WWOX: variants seen among roughly 807,000 people sequenced by gnomAD.
The protein encoded by WWOX is WW domain containing oxidoreductase.
Under a neutral mutation model 46.2 loss-of-function variants are expected in WWOX, and 69 were observed. The observed-to-expected ratio is 1.49, with a 90% confidence interval of 1.23 to 1.82. WWOX has a LOEUF of 1.82. Among genes scored for constraint, WWOX ranks in the 40% most tolerant of loss-of-function variants. The pLI is 0.00. For missense variants in WWOX, 919 were observed against 542.6 expected, an observed-to-expected ratio of 1.69 and a Z score of -6.89; for synonymous variants, 359 against 202.6, an observed-to-expected ratio of 1.77 and a Z score of -6.56.
At chr16:79,075,716 C>A (rs568981542) in intron 8 of WWOX, among the ~76,000 whole-genome samples, 24 of 152,138 alleles carry the variant, frequency 1.6e-4, no homozygotes, top group Non-Finnish European at 3.1e-4. Flanking sequence ...CCACACCTGG[C>A]TACTTTTTGT....
At chr16:78,448,615 G>A (rs763955299) in intron 8 of WWOX, among the ~76,000 whole-genome samples, 1 of 152,190 alleles carries the variant, frequency 6.6e-6, no homozygotes, top group Non-Finnish European at 1.5e-5. Context: ...TGAGAAGCAG[G>A]AGCATGGCTC....
At chr16:78,241,502 C>G (rs1391320865) in intron 5 of WWOX, among the ~76,000 whole-genome samples, 1 of 152,106 alleles carries the variant, frequency 6.6e-6, no homozygotes, top group African/African-American at 2.4e-5. Context: ...CATCTCGGCT[C>G]ACTGCAGACT....
At chr16:78,296,104 A>C (rs2079940034) in intron 5 of WWOX, among the ~76,000 whole-genome samples, 2 of 152,208 alleles carry the variant, frequency 1.3e-5, no homozygotes. Context: ...AGCTCTTCGA[A>C]GTGGGAAAAC....
At chr16:78,324,111 G>C (rs964102453) in intron 5 of WWOX, among the ~76,000 whole-genome samples, 2 of 152,030 alleles carry the variant, frequency 1.3e-5, no homozygotes, top group Non-Finnish European at 1.5e-5. Flanking sequence ...GCAAGGATGG[G>C]ATTTGAACGT....
rs1597167996 is a variant in WWOX at position 78,400,390 on chromosome 16, G to A, written c.605+13442G>A. Among the ~76,000 whole-genome samples the A allele has an allele frequency of 2.6e-5, 4 of 152,220 alleles. No individual in the cohort carries two copies. The South Asian group carries it at 6.2e-4, about 24-fold the overall frequency. On this transcript the variant is annotated intron_variant, in intron 6 of 8. Coordinates refer to ENST00000566780, the MANE Select transcript of WWOX (RefSeq NM_016373.4). The stretch of plus-strand genomic sequence containing the variant: ...AAAACTCCTGAGAGACTGACAGGGC[G>A]GTTCCCCAGCTTGGCTGTGTGAGGA...
intron 5 of WWOX, among the ~76,000 whole-genome samples, chr16:78,362,234 T>C (rs1449146623): frequency 1.3e-5 from 2 of 152,126 alleles, no homozygotes; most frequent in Non-Finnish European, 2.9e-5. Flanking sequence ...TAGTATCAGA[T>C]GTGTGCCTTG....
intron 8 of WWOX, among the ~76,000 whole-genome samples, chr16:79,145,410 C>A (rs953328990): frequency 2.4e-4 from 36 of 152,104 alleles, no homozygotes; most frequent in Non-Finnish European, 4.9e-4. Context: ...CTATGTTGCC[C>A]AGGCTGGTCT....
At chr16:79,011,292 G>C (rs1466528689) in intron 8 of WWOX, among the ~76,000 whole-genome samples, 3 of 151,138 alleles carry the variant, frequency 2.0e-5, no homozygotes, top group East Asian at 3.9e-4. Context: ...TCCACACTAA[G>C]AAAATTAACA....
chr16:78,843,753 T>C (rs937909725), intron 8 of WWOX, among the ~76,000 whole-genome samples: 1 of 152,236 alleles, frequency 6.6e-6, no homozygotes, highest in African/African-American at 2.4e-5. Flanking sequence ...AACTGTTGCA[T>C]CAAATATTTA....
chr16:79,087,542 A>C (rs1202006518), intron 8 of WWOX, among the ~76,000 whole-genome samples: 1 of 152,220 alleles, frequency 6.6e-6, no homozygotes, highest in Non-Finnish European at 1.5e-5. Context: ...GGAGCCAGCC[A>C]ACAGGAGAAA....
chr16:78,400,115 A>G (rs926983722), intron 6 of WWOX, among the ~76,000 whole-genome samples: 5 of 152,210 alleles, frequency 3.3e-5, no homozygotes, highest in East Asian at 1.9e-4. Flanking sequence ...AATTAGCGGT[A>G]AAGTTCGTCA....
intron 5 of WWOX, among the ~76,000 whole-genome samples, chr16:78,293,213 C>T (rs2079887307): frequency 6.6e-6 from 1 of 152,230 alleles, no homozygotes; most frequent in South Asian, 2.1e-4. Flanking sequence ...GTTAACTCAG[C>T]TGCCAAACAG....
At chr16:78,748,163 G>A (rs2049394413) in intron 8 of WWOX, among the ~76,000 whole-genome samples, 2 of 152,158 alleles carry the variant, frequency 1.3e-5, no homozygotes, top group South Asian at 2.1e-4. Flanking sequence ...TGTCATTGCC[G>A]AATTCCTGAG....
intron 8 of WWOX, among the ~76,000 whole-genome samples, chr16:78,926,413 C>T (rs2045499665): frequency 1.3e-5 from 2 of 151,918 alleles, no homozygotes; most frequent in African/African-American, 2.4e-5. Flanking sequence ...AAGCCTGGCC[C>T]ATGCAATTTG....
At chr16:78,171,888 CTAT>C (rs2035174477) in intron 5 of WWOX, among the ~76,000 whole-genome samples, 1 of 152,110 alleles carries the variant, frequency 6.6e-6, no homozygotes. Flanking sequence ...GCAAAATGTC[CTAT>C]TATTGTCACC....
At chr16:78,380,426 A>C (rs1249020150) in intron 5 of WWOX, among the ~76,000 whole-genome samples, 1 of 152,132 alleles carries the variant, frequency 6.6e-6, no homozygotes, top group Non-Finnish European at 1.5e-5. Context: ...TATAGGGATA[A>C]ATAACTGCTG....
intron 8 of WWOX, chr16:79,077,891 C>G (rs1031740416): frequency 6.6e-6 from 1 of 152,126 alleles, no homozygotes; most frequent in Admixed American, 6.5e-5. Context: ...CTCAACTCTC[C>G]CGAGAGGCAT....
chr16:78,303,342 G>T (rs2080076032), intron 5 of WWOX, among the ~76,000 whole-genome samples: 1 of 152,128 alleles, frequency 6.6e-6, no homozygotes, highest in Non-Finnish European at 1.5e-5. Flanking sequence ...TCCCAGGCCT[G>T]ATGCGCTTTA....
In WWOX at chr16:78,893,940, C is replaced by T. The variant is rs865999669; in HGVS notation, c.1057-317668C>T. Among the ~76,000 whole-genome samples the T allele has an allele frequency of 1.1e-4, 16 of 151,968 alleles. 1 individual carries two copies. Among genetic ancestry groups the T allele is most frequent in the Admixed American group, 6.6e-4 (10 of 15,246 alleles). On this transcript the variant is annotated intron_variant, in intron 8 of 8. Transcript: ENST00000566780. ...TTTTCCTTGACAGATTTGTTACCAGCTGAGCAGATATTGTGTCTGTGATGT... is the reference window on the plus strand; with the variant it reads ...TTTTCCTTGACAGATTTGTTACCAGTTGAGCAGATATTGTGTCTGTGATGT...
Sources: allele counts gnomAD v4.1 joint callset (sites outside exome capture counted in the v4.1 genomes callset), GRCh38; gene constraint gnomAD v4.1.1; transcripts MANE v1.5; gene names NCBI Gene and HGNC (gene_info 2026-07-23, HGNC 2026-07-21).